Variants in DYNC2I1 observed in about 807,000 individuals in gnomAD.
DYNC2I1 encodes the protein dynein 2 intermediate chain 1.
In DYNC2I1, 89 loss-of-function variants were observed where a neutral mutation model predicts 133.4. The observed-to-expected ratio is 0.67, with a 90% CI of 0.56 to 0.80. The LOEUF (loss-of-function observed/expected upper bound fraction) is 0.80, where lower values mean the gene tolerates loss of function less well. DYNC2I1 is among the 30% of genes least tolerant of loss of function. The probability of loss-of-function intolerance (pLI) is 0.00; values close to 1 mark genes in which losing one functional copy is unlikely to be tolerated. For synonymous variants in DYNC2I1, 504 were observed against 484.3 expected (o/e 1.04, Z -0.54); for missense variants, 1,291 against 1,314.5 (o/e 0.98, Z 0.28).
At chr7:158,915,776 GA>G (rs1848137111) in intron 14 of DYNC2I1, among the ~76,000 whole-genome samples, 1 of 76,152 alleles carries the variant, frequency 1.3e-5, no homozygotes, top group Non-Finnish European at 2.6e-5. Context: ...CGCTGGTTGA[GA>G]TTAAGGATGA....
rs1340183511 is a variant in DYNC2I1 at position 158,902,507 on chromosome 7, T to C, written c.1269T>C (p.Ile423=). 1 of 1,613,914 alleles carries C rather than the reference T, an allele frequency of 6.2e-7. No individual in the cohort carries two copies. The highest frequency in any genetic ancestry group is 8.5e-7 in the Non-Finnish European group (1 of 1,179,892). Residue 423 remains isoleucine (I), a synonymous_variant, in exon 10 of 25, where the codon ATT becomes ATC. Coordinates refer to ENST00000407559, the MANE Select transcript of DYNC2I1 (RefSeq NM_018051.5). ...KKEIQEIQRA[I]NAENERIGEL... ...AAATACAAGAAATTCAAAGAGCTAT[T>C]AATGCAGAAAATGAAAGGATTGGCG...
At chr7:158,884,648 T>C (rs756635491) in intron 6 of DYNC2I1, 29 bp downstream of exon 6, 2 of 1,610,226 alleles carry the variant, frequency 1.2e-6, no homozygotes, top group South Asian at 2.2e-5. Context: ...GTGGTCGACC[T>C]TTACGTGTGC....
chr7:158,887,182 T>G, intron 7 of DYNC2I1, 107 bp downstream of exon 7: 1 of 1,087,368 alleles, frequency 9.2e-7, no homozygotes, highest in Non-Finnish European at 1.4e-6. Context: ...CAGGGCTCAT[T>G]TGCAGATGGT....
Position 158,917,835 on chromosome 7 carries a change from C to G in DYNC2I1, c.1792-905C>G, listed in dbSNP as rs544055164. On this transcript the variant is annotated intron_variant, in intron 14 of 24. Coordinates refer to ENST00000407559, the MANE Select transcript of DYNC2I1 (RefSeq NM_018051.5). ...TCCTGTCAGTTCTCATTAACATTTT[C>G]TTCCTTCTTCACACCCATCCTGTCA... Among the ~76,000 whole-genome samples the G allele has an allele frequency of 8.5e-5, 13 of 152,286 alleles. No individual in the cohort carries two copies. The South Asian group carries it at 2.7e-3, about 32-fold the overall frequency.
intron 4 of DYNC2I1, among the ~76,000 whole-genome samples, chr7:158,955,976 T>G (rs1852187641): frequency 6.6e-6 from 1 of 152,260 alleles, no homozygotes; most frequent in African/African-American, 2.4e-5. Context: ...TAAACTGTCT[T>G]GCAGATTTTC....
At chr7:158,938,971 A>G (rs1233432287) in intron 23 of DYNC2I1, among the ~76,000 whole-genome samples, 1 of 152,234 alleles carries the variant, frequency 6.6e-6, no homozygotes, top group East Asian at 1.9e-4. Context: ...AATAATAGCT[A>G]TAGCAACTTC....
At chr7:158,948,835 C>T (rs1395355123), downstream of DYNC2I1, among the ~76,000 whole-genome samples, 1 of 152,140 alleles carries the variant, frequency 6.6e-6, no homozygotes, top group Non-Finnish European at 1.5e-5. Flanking sequence ...ATGGTAAAAG[C>T]ACAAGTAGGA....
At chr7:158,913,629 C>T (rs572764267) in intron 13 of DYNC2I1, among the ~76,000 whole-genome samples, 1 of 152,286 alleles carries the variant, frequency 6.6e-6, no homozygotes, top group East Asian at 1.9e-4. Context: ...ATATTACTCC[C>T]TTTTCTCAGG....
At chr7:158,839,258 A>G in the DYNC2I1 span, among the ~76,000 whole-genome samples, 1 of 139,694 alleles carries the variant, frequency 7.2e-6, no homozygotes, top group Non-Finnish European at 1.5e-5. Context: ...AAACCTAAAG[A>G]GGATGCTAAT....
At chr7:158,840,169 C>T in the DYNC2I1 span, among the ~76,000 whole-genome samples, 1 of 151,810 alleles carries the variant, frequency 6.6e-6, no homozygotes, top group African/African-American at 2.4e-5. Context: ...GGTTTTTGGC[C>T]AGGCGCAGTC....
rs778552862 is a variant in DYNC2I1 at position 158,923,521 on chromosome 7, A to T, written c.2095-50A>T. On this transcript the variant is annotated intron_variant, in intron 16 of 24. Coordinates refer to ENST00000407559, the MANE Select transcript of DYNC2I1 (RefSeq NM_018051.5). ...CTCAGTAAATGCAGCTTGTGTTAGCATGCTTCTCATATTCTTCTGTCATTG... is the reference window on the plus strand; with the variant it reads ...CTCAGTAAATGCAGCTTGTGTTAGCTTGCTTCTCATATTCTTCTGTCATTG... 7 of 1,613,624 alleles carry T rather than the reference A, an allele frequency of 4.3e-6. No individual in the cohort carries two copies. In the Admixed American group the frequency reaches 1.2e-4, roughly 27 times the overall value.
intron 23 of DYNC2I1, among the ~76,000 whole-genome samples, chr7:158,939,973 C>A (rs575339467): frequency 6.6e-6 from 1 of 152,082 alleles, no homozygotes; most frequent in Non-Finnish European, 1.5e-5. Context: ...GTACCCAACA[C>A]CAGAGCTCCC....
At chr7:158,953,795 T>C (rs1469456476) in intron 4 of DYNC2I1, among the ~76,000 whole-genome samples, 1 of 152,036 alleles carries the variant, frequency 6.6e-6, no homozygotes, top group African/African-American at 2.4e-5. Context: ...TATATATATG[T>C]TATATATATG....
At chr7:158,852,098 A>G (rs926821816), upstream of DYNC2I1, among the ~76,000 whole-genome samples, 2 of 151,750 alleles carry the variant, frequency 1.3e-5, no homozygotes, top group Admixed American at 1.3e-4. Context: ...GGACCATAGC[A>G]GAAGAGCTGG....
intron 1 of DYNC2I1, among the ~76,000 whole-genome samples, chr7:158,861,644 C>T (rs1841878480): frequency 6.6e-6 from 1 of 152,202 alleles, no homozygotes; most frequent in African/African-American, 2.4e-5. Flanking sequence ...TAGCAGCTCA[C>T]AGATAGGACT....
chr7:158,882,747 G>A lies in DYNC2I1; in HGVS notation c.880-1817G>A, dbSNP rs548377655. Among the ~76,000 whole-genome samples the A allele has an allele frequency of 1.4e-4, 21 of 152,006 alleles. No homozygotes were observed. The East Asian group carries it at 2.9e-3, about 21-fold the overall frequency. On this transcript the variant is annotated intron_variant, in intron 5 of 24. Coordinates refer to ENST00000407559, the MANE Select transcript of DYNC2I1 (RefSeq NM_018051.5). ...AAAAATTAGCCAAGTATGGTGGCAC[G>A]TGCCTGTAATCCCAGCTACTTGGGA... is the stretch of plus-strand genomic sequence containing the variant.
chr7:158,929,658 T>C (rs978621516), intron 20 of DYNC2I1, among the ~76,000 whole-genome samples: 10 of 152,248 alleles, frequency 6.6e-5, no homozygotes, highest in Non-Finnish European at 1.2e-4. Context: ...CCTGCCCAGC[T>C]GCAGGTTGGG....
intron 21 of DYNC2I1, 101 bp from the exon 22 acceptor site, chr7:158,934,028 T>C: frequency 1.3e-6 from 1 of 792,160 alleles, no homozygotes. Context: ...ACATGGCCTG[T>C]TATACATCGA....
Position 158,934,248 on chromosome 7 carries a change from T to G in DYNC2I1, c.2646+20T>G, listed in dbSNP as rs1264879619. On this transcript the variant is annotated intron_variant, in intron 22 of 24. Coordinates refer to ENST00000407559, the MANE Select transcript of DYNC2I1 (RefSeq NM_018051.5). ...GACATGGTGAGTAGTATTTTAAATT[T>G]AATCCTATTACTCATTCTCCTTGTT... The G allele has an allele frequency of 6.3e-7, 1 of 1,588,362 alleles. No individual in the cohort carries two copies.
Sources: gnomAD v4.1 joint callset for allele counts (sites outside exome capture counted in the v4.1 genomes callset) on GRCh38, gnomAD v4.1.1 for gene constraint, MANE v1.5 for transcripts, NCBI Gene and HGNC (gene_info 2026-07-23, HGNC 2026-07-21) for gene names.